VTI1A: variants seen among roughly 807,000 people sequenced by gnomAD.
VTI1A encodes the protein vesicle transport through interaction with t-SNAREs 1A.
VTI1A carries 22 observed loss-of-function variants against 34.9 expected under a neutral mutation model. The observed-to-expected ratio is 0.63, with a 90% CI of 0.45 to 0.90. VTI1A has a LOEUF of 0.90. Ranked by LOEUF, VTI1A falls within the 40% of genes least tolerant of loss-of-function variation. The pLI is 0.00. For synonymous variants in VTI1A, 87 were observed against 97.3 expected (o/e 0.89, Z 0.62); for missense variants, 268 against 275.6 (o/e 0.97, Z 0.20).
the VTI1A span, among the ~76,000 whole-genome samples, chr10:112,830,847 A>ATTTTTTTTTTTT: frequency 9.7e-5 from 3 of 31,002 alleles, no homozygotes; most frequent in African/African-American, 5.3e-4. Context: ...ATATATATAT[A>ATTTTTTTTTTTT]TATTTTTTTT....
chr10:112,852,263 C>A, the VTI1A span, among the ~76,000 whole-genome samples: 1 of 152,172 alleles, frequency 6.6e-6, no homozygotes, highest in African/African-American at 2.4e-5. Flanking sequence ...GATTCCTACA[C>A]CTCTAATTCT....
intron 5 of VTI1A, among the ~76,000 whole-genome samples, chr10:112,573,472 T>C (rs1589921659): frequency 6.6e-6 from 1 of 152,230 alleles, no homozygotes. Flanking sequence ...ATGACAATGG[T>C]ATTTGCATGT....
chr10:112,709,088 T>G (rs916481462), intron 7 of VTI1A, among the ~76,000 whole-genome samples: 8 of 152,196 alleles, frequency 5.3e-5, no homozygotes, highest in African/African-American at 1.7e-4. Context: ...TCCATCCTGT[T>G]CCTGATTAGA....
At chr10:112,515,457 C>A (rs184269406) in intron 3 of VTI1A, among the ~76,000 whole-genome samples, 204 of 152,126 alleles carry the variant, frequency 1.3e-3, no homozygotes, top group South Asian at 3.1e-3. Flanking sequence ...TCTGAATATT[C>A]TTCCAGATAG....
intron 6 of VTI1A, 93 bp downstream of exon 6, chr10:112,668,381 A>G (rs1218758991): frequency 6.0e-6 from 8 of 1,336,448 alleles, no homozygotes; most frequent in African/African-American, 4.4e-5. Flanking sequence ...TTAGGTAGAT[A>G]TATGTGTGTA....
At chr10:112,448,114 G>C (rs185150704) in intron 1 of VTI1A, among the ~76,000 whole-genome samples, 70 of 152,176 alleles carry the variant, frequency 4.6e-4, no homozygotes, top group Non-Finnish European at 2.5e-4. Context: ...TAGTAAATGG[G>C]GGAAAATTGT....
At chr10:112,721,051 G>C (rs1849788569) in intron 7 of VTI1A, among the ~76,000 whole-genome samples, 1 of 152,158 alleles carries the variant, frequency 6.6e-6, no homozygotes, top group African/African-American at 2.4e-5. Flanking sequence ...CCTCATAGAA[G>C]CATATGTAAG....
chr10:112,689,112 T>C (rs1169685373), intron 7 of VTI1A, among the ~76,000 whole-genome samples: 1 of 152,178 alleles, frequency 6.6e-6, no homozygotes, highest in Non-Finnish European at 1.5e-5. Flanking sequence ...GTATTAATTT[T>C]AACGTGTTTG....
chr10:112,508,047 T>C lies in VTI1A; in HGVS notation c.265-19040T>C, dbSNP rs145206622. Among the ~76,000 whole-genome samples the C allele has an allele frequency of 2.6e-3, 403 of 152,084 alleles. 2 individuals are homozygous for C. The highest frequency in any genetic ancestry group is 9.2e-3 in the African/African-American group (384 of 41,552). ...TGTGGCTTCTCCAGCTTGTATTTGT[T>C]AAGGTGCAAACAATAAGTCTATTGT... On this transcript the variant is annotated intron_variant, in intron 3 of 7. Coordinates refer to ENST00000393077, the MANE Select transcript of VTI1A (RefSeq NM_145206.4).
At chr10:112,786,140 T>A (rs1308251358) in intron 7 of VTI1A, among the ~76,000 whole-genome samples, 1 of 152,258 alleles carries the variant, frequency 6.6e-6, no homozygotes, top group African/African-American at 2.4e-5. Flanking sequence ...AAGCTATGTT[T>A]ATAGATTTCA....
intron 3 of VTI1A, among the ~76,000 whole-genome samples, chr10:112,492,147 G>A (rs1192658957): frequency 3.9e-5 from 6 of 152,126 alleles, no homozygotes; most frequent in African/African-American, 7.2e-5. Context: ...CATTGCTAAC[G>A]AAGATTCTGT....
chr10:112,603,441 A>G (rs1427556395), intron 5 of VTI1A, among the ~76,000 whole-genome samples: 1 of 152,148 alleles, frequency 6.6e-6, no homozygotes, highest in African/African-American at 2.4e-5. Flanking sequence ...CTGAGTAGAA[A>G]AGTCATTATT....
intron 7 of VTI1A, among the ~76,000 whole-genome samples, chr10:112,808,559 A>G (rs1453291529): frequency 7.1e-6 from 1 of 141,388 alleles, no homozygotes; most frequent in East Asian, 2.3e-4. Flanking sequence ...CGGGAGGTGG[A>G]GGTTGCAGTG....
At chr10:112,519,662 A>G (rs1363610565) in intron 3 of VTI1A, among the ~76,000 whole-genome samples, 1 of 152,044 alleles carries the variant, frequency 6.6e-6, no homozygotes, top group Non-Finnish European at 1.5e-5. Flanking sequence ...TGAAAAGAAC[A>G]CTGGCATTGA....
the VTI1A span, among the ~76,000 whole-genome samples, chr10:112,846,001 G>C: frequency 6.6e-6 from 1 of 152,210 alleles, no homozygotes; most frequent in African/African-American, 2.4e-5. Context: ...CTGGGTGACA[G>C]AGCGAGGCTC....
At chr10:112,464,492 G>A (rs1415629090) in intron 2 of VTI1A, 55 bp from the exon 3 acceptor site, 16 of 1,478,664 alleles carry the variant, frequency 1.1e-5, no homozygotes, top group Admixed American at 1.8e-5. Context: ...GTAAACATTT[G>A]TTCAAATAAG....
chr10:112,830,822 C>CGT, the VTI1A span, among the ~76,000 whole-genome samples: 1 of 54,738 alleles, frequency 1.8e-5, no homozygotes, highest in Non-Finnish European at 3.2e-5. Context: ...CTAAAACCCT[C>CGT]ATATATATAT....
rs371417152 is a variant in VTI1A at position 112,652,821 on chromosome 10, A to T, written c.428-15397A>T. On this transcript the variant is annotated intron_variant, in intron 5 of 7. Coordinates refer to ENST00000393077, the MANE Select transcript of VTI1A (RefSeq NM_145206.4). Reference sequence around the variant, plus strand: ...GCCCACTGGGCCTAGGAGGCAGACCATGATGTGTCTGTTGGGCCCTAAAAG... The same window carrying T: ...GCCCACTGGGCCTAGGAGGCAGACCTTGATGTGTCTGTTGGGCCCTAAAAG... Among the ~76,000 whole-genome samples, 445 of 152,254 alleles carry T rather than the reference A, an allele frequency of 2.9e-3. 2 individuals are homozygous for T. Among genetic ancestry groups the T allele is most frequent in the African/African-American group, 0.01 (429 of 41,544 alleles).
intron 5 of VTI1A, among the ~76,000 whole-genome samples, chr10:112,543,496 A>G (rs1306467905): frequency 1.3e-5 from 2 of 152,182 alleles, no homozygotes; most frequent in Non-Finnish European, 2.9e-5. Context: ...GTGTCTGTTC[A>G]TATCCTTTGC....
Sources: allele counts gnomAD v4.1 joint callset (sites outside exome capture counted in the v4.1 genomes callset), GRCh38; gene constraint gnomAD v4.1.1; transcripts MANE v1.5; gene names NCBI Gene and HGNC (gene_info 2026-07-23, HGNC 2026-07-21).